The following DISC1 variants were observed in gnomAD, a reference collection of about 807,000 sequenced individuals.
DISC1 encodes the protein DISC1 scaffold protein.
A neutral mutation model predicts 84.5 loss-of-function variants in DISC1; 57 were observed. The ratio of observed to expected loss-of-function variants is 0.67; its 90% CI spans 0.55 to 0.84. The LOEUF is 0.84. DISC1 is among the 40% of genes least tolerant of loss of function. The probability of loss-of-function intolerance (pLI) is 0.00; values close to 1 mark genes in which losing one functional copy is unlikely to be tolerated. For synonymous variants in DISC1, 411 were observed against 415.2 expected (o/e 0.99, Z 0.12); for missense variants, 1,000 against 1,057.8 (o/e 0.95, Z 0.76).
intron 9 of DISC1, among the ~76,000 whole-genome samples, chr1:231,884,564 G>A (rs901714461): frequency 3.4e-5 from 5 of 146,094 alleles, no homozygotes; most frequent in Admixed American, 3.3e-4. Context: ...GAACATACGC[G>A]TGCATGTGAC....
rs547163026 is a variant in DISC1 at position 231,999,023 on chromosome 1, A to G, written c.2043-9762A>G. Reference sequence around the variant, plus strand: ...ATTTATATGGAAAAACATAAATATGATCTTACAGATACAAAGGAAACTACC... The same window carrying G: ...ATTTATATGGAAAAACATAAATATGGTCTTACAGATACAAAGGAAACTACC... On this transcript the variant is annotated intron_variant, in intron 10 of 12. Coordinates refer to ENST00000439617, the MANE Select transcript of DISC1 (RefSeq NM_018662.3). Among the ~76,000 whole-genome samples, 35 of 152,308 alleles carry G rather than the reference A, an allele frequency of 2.3e-4. No homozygotes were observed. In the South Asian group the frequency reaches 7.3e-3, roughly 32 times the overall value.
At chr1:231,903,051 C>T (rs1558711699) in intron 9 of DISC1, among the ~76,000 whole-genome samples, 2 of 149,804 alleles carry the variant, frequency 1.3e-5, no homozygotes, top group South Asian at 4.2e-4. Context: ...CTTCCTCCTC[C>T]ACCTTTTCTC....
intron 11 of DISC1, among the ~76,000 whole-genome samples, chr1:232,017,988 T>A (rs182819200): frequency 6.6e-6 from 1 of 152,304 alleles, no homozygotes; most frequent in African/African-American, 2.4e-5. Context: ...GTGTAACCCG[T>A]CTGCTCAAAT....
At chr1:231,733,096 GAGT>G (rs1558444420) in intron 3 of DISC1, among the ~76,000 whole-genome samples, 8 of 138,688 alleles carry the variant, frequency 5.8e-5, no homozygotes, top group South Asian at 2.5e-4. Context: ...GCAGTGGGTA[GAGT>G]TGGTGATGGT....
chr1:231,825,988 T>G (rs1429387347), intron 9 of DISC1, among the ~76,000 whole-genome samples: 1 of 152,254 alleles, frequency 6.6e-6, no homozygotes, highest in Non-Finnish European at 1.5e-5. Context: ...ATTTAATGTT[T>G]TCTTTGAAGA....
At chr1:231,886,805 TTC>T (rs1202924743) in intron 9 of DISC1, among the ~76,000 whole-genome samples, 2 of 145,288 alleles carry the variant, frequency 1.4e-5, no homozygotes, top group Non-Finnish European at 1.5e-5. Context: ...CTTTCTTTCT[TTC>T]TTTCTTTCTT....
At chr1:231,984,780 A>G (rs1201741950) in intron 10 of DISC1, among the ~76,000 whole-genome samples, 1 of 152,156 alleles carries the variant, frequency 6.6e-6, no homozygotes, top group African/African-American at 2.4e-5. Flanking sequence ...AAAGTATAGC[A>G]TTTGAGTTGG....
intron 1 of DISC1, among the ~76,000 whole-genome samples, chr1:231,672,107 A>T (rs1435777888): frequency 6.6e-6 from 1 of 152,188 alleles, no homozygotes; most frequent in African/African-American, 2.4e-5. Context: ...TGCATCCAGA[A>T]TATATAACTG....
Position 231,973,195 on chromosome 1 carries a change from C to A in DISC1, c.2042+14307C>A, listed in dbSNP as rs151164293. 3.4e-3 allele frequency among the ~76,000 whole-genome samples: 510 copies of A among 152,024 alleles called. 3 individuals are homozygous for A. The highest frequency in any genetic ancestry group is 0.012 in the African/African-American group (481 of 41,480). The stretch of plus-strand genomic sequence containing the variant: ...CTGAGTAGCTGGGACTACAGGCGTG[C>A]GCCACCACGCCTGGCTAATCTTTGT... On this transcript the variant is annotated intron_variant, in intron 10 of 12. Transcript: ENST00000439617.
chr1:231,666,780 G>A (rs916772832), intron 1 of DISC1, among the ~76,000 whole-genome samples: 2 of 152,150 alleles, frequency 1.3e-5, no homozygotes, highest in Non-Finnish European at 2.9e-5. Flanking sequence ...TCACCCCATC[G>A]TAATGGGCTC....
intron 1 of DISC1, among the ~76,000 whole-genome samples, chr1:231,685,328 A>T (rs567247497): frequency 8.7e-4 from 133 of 152,278 alleles, no homozygotes; most frequent in African/African-American, 3.0e-3. Context: ...GTCAGTTTTC[A>T]TCCTGCTGAT....
chr1:231,884,853 C>T (rs769524962), intron 9 of DISC1, among the ~76,000 whole-genome samples: 17 of 151,852 alleles, frequency 1.1e-4, no homozygotes, highest in Non-Finnish European at 1.8e-4. Context: ...TTGTGTGATC[C>T]GGTTTTACAG....
intron 10 of DISC1, among the ~76,000 whole-genome samples, chr1:231,969,774 G>A (rs1251305415): frequency 5.3e-5 from 8 of 150,054 alleles, no homozygotes; most frequent in Non-Finnish European, 1.2e-4. Flanking sequence ...GACAGGCCCC[G>A]GTGTGTGATG....
At chr1:231,701,902 T>C in intron 2 of DISC1, 53 bp from the exon 3 acceptor site, 1 of 1,449,434 alleles carries the variant, frequency 6.9e-7, no homozygotes, top group South Asian at 1.3e-5. Flanking sequence ...CACAAAAATG[T>C]TTGCTTGAAT....
At chr1:231,805,896 G>C (rs780152542) in intron 8 of DISC1, among the ~76,000 whole-genome samples, 1 of 152,174 alleles carries the variant, frequency 6.6e-6, no homozygotes, top group East Asian at 1.9e-4. Context: ...GAGTGCAGGG[G>C]CCATACAGTT....
At chr1:231,700,184 TACAGTTGACCCTTGAACAAC>T (rs1002983955) in intron 2 of DISC1, among the ~76,000 whole-genome samples, 4 of 152,180 alleles carry the variant, frequency 2.6e-5, no homozygotes, top group African/African-American at 9.6e-5. Context: ...CCATAAAACT[TACAGTTGACCCTTGAACAAC>T]ACGGGTTTGA....
At chr1:231,784,401 A>G (rs558733688) in intron 6 of DISC1, among the ~76,000 whole-genome samples, 1 of 152,336 alleles carries the variant, frequency 6.6e-6, no homozygotes, top group African/African-American at 2.4e-5. Context: ...TCAGAGAAAT[A>G]GGGAGAATGT....
chr1:231,955,186 C>T (rs821589), intron 9 of DISC1, among the ~76,000 whole-genome samples: 32,174 of 152,136 alleles, frequency 0.21, 5,852 homozygotes, highest in African/African-American at 0.49. Context: ...GCGTTGCGTA[C>T]GATCAGCAAG....
chr1:231,972,278 T>C (rs1662092469), intron 10 of DISC1, among the ~76,000 whole-genome samples: 1 of 152,346 alleles, frequency 6.6e-6, no homozygotes, highest in African/African-American at 2.4e-5. Context: ...GTGTGGCTTA[T>C]TGGAGCATGA....
Sources: allele counts gnomAD v4.1 joint callset (sites outside exome capture counted in the v4.1 genomes callset), GRCh38; gene constraint gnomAD v4.1.1; transcripts MANE v1.5; gene names NCBI Gene and HGNC (gene_info 2026-07-23, HGNC 2026-07-21).